RARB: variants seen among roughly 807,000 people sequenced by gnomAD.
The protein encoded by RARB is retinoic acid receptor beta.
In RARB, 17 loss-of-function variants were observed where a neutral mutation model predicts 51.9. That is an observed-to-expected ratio of 0.33 (90% CI 0.22 to 0.49). RARB has a LOEUF of 0.49. Among genes scored for constraint, RARB ranks in the 20% least tolerant of loss-of-function variants. The pLI is 0.99. For synonymous variants in RARB, 215 were observed against 195.4 expected (o/e 1.10, Z -0.84); for missense variants, 369 against 550.8 (o/e 0.67, Z 3.30).
intron 2 of RARB, among the ~76,000 whole-genome samples, chr3:25,022,359 C>T (rs1281890749): frequency 1.3e-5 from 2 of 152,124 alleles, no homozygotes; most frequent in African/African-American, 4.8e-5. Context: ...TGTTGACTTT[C>T]TTTGCTCAAC....
chr3:24,894,769 T>C (rs1253417525), intron 2 of RARB, among the ~76,000 whole-genome samples: 1 of 152,172 alleles, frequency 6.6e-6, no homozygotes, highest in African/African-American at 2.4e-5. Flanking sequence ...CCATAATATA[T>C]CAATTATGTG....
chr3:25,007,773 C>G (rs752082504), intron 2 of RARB, among the ~76,000 whole-genome samples: 1 of 151,944 alleles, frequency 6.6e-6, no homozygotes, highest in East Asian at 1.9e-4. Context: ...ATGTTTTAAT[C>G]TTCATTTTCA....
At chr3:25,418,964 T>C (rs1449348399) in intron 5 of RARB, among the ~76,000 whole-genome samples, 2 of 145,610 alleles carry the variant, frequency 1.4e-5, no homozygotes, top group African/African-American at 5.0e-5. Context: ...AAAAGGCATA[T>C]AAAAATTGAT....
intron 5 of RARB, among the ~76,000 whole-genome samples, chr3:25,312,981 TTG>T (rs1559353664): frequency 6.6e-6 from 1 of 152,200 alleles, no homozygotes; most frequent in African/African-American, 2.4e-5. Flanking sequence ...GCATTTGAAT[TTG>T]TGTCTTCAAG....
At chr3:25,015,090 G>A (rs1697479899) in intron 2 of RARB, among the ~76,000 whole-genome samples, 1 of 152,122 alleles carries the variant, frequency 6.6e-6, no homozygotes, top group Admixed American at 6.6e-5. Flanking sequence ...TGAAAAATCT[G>A]GCTTTGAGTG....
chr3:25,571,554 C>T (rs1057137468), intron 4 of RARB, among the ~76,000 whole-genome samples: 1 of 152,202 alleles, frequency 6.6e-6, no homozygotes, highest in African/African-American at 2.4e-5. Flanking sequence ...TGTCCCATCC[C>T]AGAGCAGGGA....
At chr3:24,935,931 A>G (rs1695539394) in intron 2 of RARB, among the ~76,000 whole-genome samples, 1 of 152,096 alleles carries the variant, frequency 6.6e-6, no homozygotes, top group Admixed American at 6.6e-5. Flanking sequence ...ATAAATTGGC[A>G]CAGAGTAGGT....
chr3:24,833,185 C>T (rs1702303361), intron 1 of RARB: 2 of 152,314 alleles, frequency 1.3e-5, no homozygotes, highest in Non-Finnish European at 2.9e-5. Flanking sequence ...CTTCTTGAAG[C>T]ATTGGACAGA....
chr3:24,861,635 G>A lies in RARB; in HGVS notation c.-380+2883G>A, dbSNP rs572089226. Among the ~76,000 whole-genome samples, 6 of 148,452 alleles carry A rather than the reference G, an allele frequency of 4.0e-5. No homozygotes were observed. The East Asian group carries it at 7.9e-4, about 19-fold the overall frequency. On this transcript the variant is annotated intron_variant, in intron 2 of 11. Coordinates refer to the RARB transcript ENST00000383772. ...AAAAAACCTTTCCTGAAGCAAAAAAGTTAATGAGAAGCGTGGAAGATTTCC... is the reference window on the plus strand; with the variant it reads ...AAAAAACCTTTCCTGAAGCAAAAAAATTAATGAGAAGCGTGGAAGATTTCC...
At chr3:25,165,373 A>T (rs321517) in intron 4 of RARB, among the ~76,000 whole-genome samples, 145,367 of 152,210 alleles carry the variant, frequency 0.96, 69,427 homozygotes, top group South Asian at 0.97. Context: ...CTGTCTTTCT[A>T]GGTGTCTTAG....
chr3:25,587,605 A>T (rs1042571533), intron 5 of RARB, among the ~76,000 whole-genome samples: 1 of 152,174 alleles, frequency 6.6e-6, no homozygotes, highest in African/African-American at 2.4e-5. Flanking sequence ...TGCTTCTAAC[A>T]TCTGTATTTT....
chr3:25,341,580 C>G lies in RARB; in HGVS notation c.179-119613C>G, dbSNP rs113526995. On this transcript the variant is annotated intron_variant, in intron 5 of 11. Transcript: ENST00000383772. The stretch of plus-strand genomic sequence containing the variant: ...TTGATGACTTCTCTCTGTGGTGTGA[C>G]TGACTCTCCTATTCATCTTCCAAGT... Among the ~76,000 whole-genome samples the G allele has an allele frequency of 3.0e-3, 451 of 152,262 alleles. 5 individuals are homozygous for G. The highest frequency in any genetic ancestry group is 8.3e-3 in the African/African-American group (345 of 41,550).
chr3:25,490,136 C>T (rs1174482942), intron 2 of RARB, among the ~76,000 whole-genome samples: 1 of 152,200 alleles, frequency 6.6e-6, no homozygotes, highest in Non-Finnish European at 1.5e-5. Flanking sequence ...CTTTCCTTCT[C>T]CCATTCTCAT....
chr3:25,052,487 T>C (rs894973589), intron 2 of RARB, among the ~76,000 whole-genome samples: 1 of 152,202 alleles, frequency 6.6e-6, no homozygotes, highest in Non-Finnish European at 1.5e-5. Context: ...CTAAAAATTG[T>C]TTTTTCTTCA....
intron 2 of RARB, among the ~76,000 whole-genome samples, chr3:25,015,421 A>G (rs536977456): frequency 2.0e-5 from 3 of 152,312 alleles, no homozygotes; most frequent in Admixed American, 6.5e-5. Context: ...ATTTGTTAAA[A>G]TAACTGTGAA....
intron 4 of RARB, among the ~76,000 whole-genome samples, chr3:25,167,067 A>G (rs757727985): frequency 6.6e-6 from 1 of 152,154 alleles, no homozygotes; most frequent in Non-Finnish European, 1.5e-5. Context: ...GCCAATTTAG[A>G]TATTGATTTA....
chr3:25,251,600 C>T (rs933493123), intron 5 of RARB, among the ~76,000 whole-genome samples: 62 of 152,078 alleles, frequency 4.1e-4, no homozygotes, highest in African/African-American at 1.4e-3. Flanking sequence ...TTGGCATTTT[C>T]CTAATGACTA....
At chr3:25,309,340 C>G (rs529206641) in intron 5 of RARB, among the ~76,000 whole-genome samples, 1 of 150,764 alleles carries the variant, frequency 6.6e-6, no homozygotes, top group East Asian at 1.9e-4. Context: ...GGGGTTTCAC[C>G]GTGTTAGCCA....
intron 2 of RARB, among the ~76,000 whole-genome samples, chr3:24,924,594 A>C (rs1311718763): frequency 6.6e-6 from 1 of 152,196 alleles, no homozygotes; most frequent in African/African-American, 2.4e-5. Flanking sequence ...AGCTCTATGA[A>C]TATTTTTACT....
Sources: allele counts gnomAD v4.1 joint callset (sites outside exome capture counted in the v4.1 genomes callset), GRCh38; gene constraint gnomAD v4.1.1; transcripts MANE v1.5; gene names NCBI Gene and HGNC (gene_info 2026-07-23, HGNC 2026-07-21).